Variants in LPP observed in about 807,000 individuals in gnomAD.
LPP encodes lipoma-preferred partner.
In LPP, 38 loss-of-function variants were observed where a neutral mutation model predicts 60.4. The observed-to-expected ratio is 0.63, with a 90% confidence interval of 0.49 to 0.83. The LOEUF is 0.83. LPP is among the 40% of genes least tolerant of loss of function. LPP has a pLI of 0.00. For synonymous variants in LPP, 328 were observed against 290.8 expected, an observed-to-expected ratio of 1.13 and a Z score of -1.30; for missense variants, 902 against 783.6, an observed-to-expected ratio of 1.15 and a Z score of -1.80.
intron 3 of LPP, among the ~76,000 whole-genome samples, chr3:188,341,936 A>G (rs1431409348): frequency 1.3e-5 from 2 of 152,172 alleles, no homozygotes. Context: ...TTAAGGTTTA[A>G]TACCAAAACC....
At chr3:188,371,991 C>CT (rs547260887) in intron 3 of LPP, among the ~76,000 whole-genome samples, 4,027 of 144,796 alleles carry the variant, frequency 0.028, 178 homozygotes, top group African/African-American at 0.097. Flanking sequence ...TTTTTCTTTT[C>CT]TTTTTTTTTT....
At chr3:188,394,334 G>A (rs1172568222) in intron 3 of LPP, among the ~76,000 whole-genome samples, 2 of 152,168 alleles carry the variant, frequency 1.3e-5, no homozygotes, top group African/African-American at 4.8e-5. Flanking sequence ...AAACTTTCTA[G>A]CAGTCATAAC....
At position 188,879,056 on chromosome 3, in the gene LPP, C is replaced by A. The variant is rs1176269029; in HGVS notation, c.*4577C>A. 4.4e-6 allele frequency: 1 copy of A among 228,092 alleles called. No individual in the cohort carries two copies. Among genetic ancestry groups the A allele is most frequent in the African/African-American group, 2.2e-5 (1 of 45,086 alleles). The allele number at this position is 228,092 out of a possible 1,614,324, so 14.1% of individuals were successfully genotyped here. On this transcript the variant is annotated 3_prime_UTR_variant, in exon 12 of 12. Coordinates refer to ENST00000617246, the MANE Select transcript of LPP (RefSeq NM_001375462.1). Reference sequence around the variant, plus strand: ...TGCTTAATAGTGGTCCAGACAAGTTCAAAACTTGTTCTCAGTGAGGCATTA... The same window carrying A: ...TGCTTAATAGTGGTCCAGACAAGTTAAAAACTTGTTCTCAGTGAGGCATTA...
At chr3:188,570,183 C>G (rs1833208669) in intron 6 of LPP, among the ~76,000 whole-genome samples, 1 of 151,982 alleles carries the variant, frequency 6.6e-6, no homozygotes, top group African/African-American at 2.4e-5. Context: ...TTGTGGCAGT[C>G]ATTGGTCAAA....
intron 2 of LPP, among the ~76,000 whole-genome samples, chr3:188,251,472 T>C (rs1413562462): frequency 2.0e-5 from 3 of 152,146 alleles, no homozygotes; most frequent in African/African-American, 4.8e-5. Context: ...CCTTAACTTA[T>C]AGCCTCTTTC....
At chr3:188,228,487 A>T (rs1238394337) in intron 2 of LPP, among the ~76,000 whole-genome samples, 1 of 152,110 alleles carries the variant, frequency 6.6e-6, no homozygotes, top group East Asian at 1.9e-4. Context: ...TGAGAATGAA[A>T]CAAATGACTG....
At chr3:188,188,343 T>C (rs572865202) in intron 1 of LPP, among the ~76,000 whole-genome samples, 2 of 152,316 alleles carry the variant, frequency 1.3e-5, no homozygotes, top group Admixed American at 1.3e-4. Context: ...TTGGAAGATA[T>C]AATGTATTGG....
rs1338888505 is a variant in LPP, at chr3:188,637,590, G to C, written c.1113+27746G>C. Among the ~76,000 whole-genome samples the C allele has an allele frequency of 8.0e-5, 12 of 150,800 alleles. 1 individual carries two copies. The highest frequency in any genetic ancestry group is 2.9e-4 in the African/African-American group (12 of 41,084). ...GAATCCAGGAGCTGGTTTTTTGAAA[G>C]GATCAACAAAATTGATAGACCGCTA... On this transcript the variant is annotated intron_variant, in intron 7 of 11. Coordinates refer to ENST00000617246, the MANE Select transcript of LPP (RefSeq NM_001375462.1).
At position 188,880,188 on chromosome 3, in the gene LPP, G is replaced by C. The variant is rs1255584859; in HGVS notation, c.*5709G>C. 6.2e-6 allele frequency: 1 copy of C among 161,832 alleles called. No homozygotes were observed. The highest frequency in any genetic ancestry group is 1.4e-5 in the Non-Finnish European group (1 of 73,818). 10.0% of individuals were successfully genotyped at this position (161,832 alleles called of 1,614,324 possible). A position where few individuals can be genotyped will look rare whatever the true frequency, so the allele number is the denominator to read the frequency against. On this transcript the variant is annotated 3_prime_UTR_variant, in exon 12 of 12. Coordinates refer to ENST00000617246, the MANE Select transcript of LPP (RefSeq NM_001375462.1). ...TGGGACTACAGGCGCCTGCCACCAC[G>C]CCCGGCTAATTTTTTTGTATTTTTA...
intron 3 of LPP, among the ~76,000 whole-genome samples, chr3:188,373,310 C>T (rs1214857298): frequency 6.6e-6 from 1 of 152,110 alleles, no homozygotes. Context: ...TGAACTAGTT[C>T]ACAGTCCCAC....
chr3:188,396,200 T>A (rs1174532525), intron 3 of LPP, among the ~76,000 whole-genome samples: 1 of 152,214 alleles, frequency 6.6e-6, no homozygotes, highest in Non-Finnish European at 1.5e-5. Flanking sequence ...TTAACGTTCA[T>A]CAATAGTAGA....
At chr3:188,488,928 C>T (rs1295086456) in intron 5 of LPP, among the ~76,000 whole-genome samples, 9 of 152,136 alleles carry the variant, frequency 5.9e-5, no homozygotes, top group African/African-American at 1.7e-4. Context: ...TGATCCACCG[C>T]GCCCGGCCAG....
At chr3:188,658,334 T>A (rs1486652753) in intron 7 of LPP, among the ~76,000 whole-genome samples, 3 of 152,106 alleles carry the variant, frequency 2.0e-5, no homozygotes, top group Non-Finnish European at 2.9e-5. Flanking sequence ...TTAGTAGAGA[T>A]AGAGTTTCGG....
At chr3:188,172,695 TA>T (rs1560080670) in intron 1 of LPP, among the ~76,000 whole-genome samples, 21 of 152,316 alleles carry the variant, frequency 1.4e-4, no homozygotes, top group African/African-American at 4.8e-4. Context: ...CTTACATTAC[TA>T]TGGAACGTTT....
chr3:188,437,817 T>C (rs967653887), intron 4 of LPP, among the ~76,000 whole-genome samples: 1 of 152,230 alleles, frequency 6.6e-6, no homozygotes, highest in Non-Finnish European at 1.5e-5. Context: ...TATAGCTTTT[T>C]GAGAAGCTAG....
At position 188,572,222 on chromosome 3, in the gene LPP, A is replaced by C. The variant is rs890315959; in HGVS notation, c.430-36939A>C. On this transcript the variant is annotated intron_variant, in intron 6 of 11. Transcript: ENST00000617246. The surrounding 1 kb of genome is among the most constrained non-coding windows in gnomAD (Gnocchi z 4.1). ...GTATGTAGAGGGGTGACATATGATA[A>C]AAAAACTATGGATAATTTTAAGCCA... Among the ~76,000 whole-genome samples, 1 of 152,108 alleles carries C rather than the reference A, an allele frequency of 6.6e-6. No homozygotes were observed. Among genetic ancestry groups the C allele is most frequent in the Non-Finnish European group, 1.5e-5 (1 of 68,016 alleles).
chr3:188,232,442 G>A (rs111555499), intron 2 of LPP, among the ~76,000 whole-genome samples: 2,554 of 150,738 alleles, frequency 0.017, 68 homozygotes, highest in African/African-American at 0.057. Flanking sequence ...AGGTTCAAGC[G>A]ATTCTCCTGC....
chr3:188,613,088 G>A (rs972450231), intron 7 of LPP, among the ~76,000 whole-genome samples: 1 of 152,026 alleles, frequency 6.6e-6, no homozygotes, highest in Non-Finnish European at 1.5e-5. Context: ...TTGAAAAATA[G>A]TGTTATAAAT....
At chr3:188,354,822 C>CGCACACACACACAG (rs1225380153) in intron 3 of LPP, among the ~76,000 whole-genome samples, 5 of 52,144 alleles carry the variant, frequency 9.6e-5, no homozygotes, top group African/African-American at 3.9e-4. Flanking sequence ...CGCGTGCGCG[C>CGCACACACACACAG]ACACACACAC....
Sources: allele counts gnomAD v4.1 joint callset (sites outside exome capture counted in the v4.1 genomes callset), GRCh38; gene constraint gnomAD v4.1.1; non-coding constraint Gnocchi (gnomAD v3.1); transcripts MANE v1.5; gene names NCBI Gene and HGNC (gene_info 2026-07-23, HGNC 2026-07-21).